Variants in PTPRS observed in about 807,000 individuals in gnomAD.
The protein encoded by PTPRS is protein tyrosine phosphatase receptor type S.
PTPRS carries 63 observed loss-of-function variants against 215.3 expected under a neutral mutation model. That is an observed-to-expected ratio of 0.29 (90% CI 0.24 to 0.36). The LOEUF is 0.36. Ranked by LOEUF, PTPRS falls within the 10% of genes least tolerant of loss-of-function variation. The pLI is 1.00. For synonymous variants in PTPRS, 1,404 were observed against 1,191.4 expected (o/e 1.18, Z -3.68); for missense variants, 2,258 against 2,825.8 (o/e 0.80, Z 4.56).
chr19:5,328,395 C>A (rs1294433491), intron 1 of PTPRS, among the ~76,000 whole-genome samples: 1 of 152,032 alleles, frequency 6.6e-6, no homozygotes, highest in Non-Finnish European at 1.5e-5. Flanking sequence ...CAGGCGTGCA[C>A]CACCACAGCT....
At chr19:5,303,506 T>A (rs915869844) in intron 1 of PTPRS, among the ~76,000 whole-genome samples, 1 of 151,520 alleles carries the variant, frequency 6.6e-6, no homozygotes, top group South Asian at 2.1e-4. Context: ...CAGATGGGGA[T>A]AGAGGACAGG....
At chr19:5,217,819 G>A (rs1316403657) in intron 25 of PTPRS, among the ~76,000 whole-genome samples, 1 of 152,188 alleles carries the variant, frequency 6.6e-6, no homozygotes, top group Admixed American at 6.5e-5. Flanking sequence ...TGAAGAGGGA[G>A]GAGATGGTAG....
rs758242063 is a variant in PTPRS at position 5,265,022 on chromosome 19, T to G, written c.554A>C (p.Lys185Thr). 13 of 1,613,966 alleles carry G rather than the reference T, an allele frequency of 8.1e-6. No homozygotes were observed. Among genetic ancestry groups the G allele is most frequent in the Non-Finnish European group, 1.0e-5 (12 of 1,179,980 alleles). Residue 185 changes from lysine to threonine, a missense_variant, in exon 5 of 38, where the codon AAA becomes ACA. This residue lies in a region of PTPRS where 508 missense variants were observed against 799.4 expected (regional missense o/e 0.64). Transcript: ENST00000262963. Reference sequence around the variant, plus strand: ...CCCTCACTCACCTGATCGCAGCTGTTTGATGCGTCCATTGCTGGCACTAGG... The same window carrying G: ...CCCTCACTCACCTGATCGCAGCTGTGTGATGCGTCCATTGCTGGCACTAGG... Reference protein sequence around the residue: ...VDPSASNGRIKQLRSETFEST... With the variant: ...VDPSASNGRITQLRSETFEST...
In PTPRS at chr19:5,214,554, G is replaced by T. The variant is rs1399081876; in HGVS notation, c.4494+7C>A. On this transcript the variant is annotated splice_region_variant and intron_variant, in intron 29 of 37. Transcript: ENST00000262963. ...GGGGCTTGAGGGCCGTGGGGTCCAAGGCTCACCCGTGACTTCTCCTCCAGC... is the reference window on the plus strand; with the variant it reads ...GGGGCTTGAGGGCCGTGGGGTCCAATGCTCACCCGTGACTTCTCCTCCAGC... The T allele has an allele frequency of 6.2e-7, 1 of 1,611,864 alleles. No individual in the cohort carries two copies. The highest frequency in any genetic ancestry group is 8.5e-7 in the Non-Finnish European group (1 of 1,178,620).
At chr19:5,242,684 C>T (rs1025359033) in intron 11 of PTPRS, among the ~76,000 whole-genome samples, 2 of 151,482 alleles carry the variant, frequency 1.3e-5, no homozygotes, top group Non-Finnish European at 2.9e-5. Context: ...CAGCCCTCTC[C>T]GATTTTATTT....
At chr19:5,250,664 T>TGGGGGGGGGGGGGGGGGGGGGGGGGG (rs1216689691) in intron 9 of PTPRS, among the ~76,000 whole-genome samples, 1 of 9,620 alleles carries the variant, frequency 1.0e-4, no homozygotes, top group Admixed American at 1.0e-3. Flanking sequence ...GGCGGTGGGG[T>TGGGGGGGGGGGGGGGGGGGGGGGGGG]GGGGGGGTGG....
chr19:5,254,519 C>G (rs955573618), intron 9 of PTPRS, among the ~76,000 whole-genome samples: 4 of 151,936 alleles, frequency 2.6e-5, no homozygotes, highest in Admixed American at 1.3e-4. Context: ...TGAAGATTTG[C>G]AAGAGTGAGA....
At chr19:5,276,706 A>G (rs2047398935) in intron 2 of PTPRS, among the ~76,000 whole-genome samples, 1 of 150,750 alleles carries the variant, frequency 6.6e-6, no homozygotes, top group African/African-American at 2.4e-5. Flanking sequence ...ATGCCCAGCT[A>G]ATTTTTTTGT....
At chr19:5,260,706 G>C in intron 7 of PTPRS, 99 bp downstream of exon 7, 3 of 1,446,626 alleles carry the variant, frequency 2.1e-6, no homozygotes, top group Admixed American at 1.8e-5. Flanking sequence ...GGGTGGACAC[G>C]CATGGAAGGG....
In PTPRS at chr19:5,222,200, C is replaced by T. The variant is rs774267588; in HGVS notation, c.3124G>A (p.Val1042Met). 1 of 1,613,910 alleles carries T rather than the reference C, an allele frequency of 6.2e-7. No individual in the cohort carries two copies. Among genetic ancestry groups the T allele is most frequent in the Non-Finnish European group, 8.5e-7 (1 of 1,179,964 alleles). ...ACTGATGTCTTCATGATCATTTTCA[C>T]CTTGAAGTTCTTGGGCGAGACTGCC... ...RDQVSPKNFK[V>M]KMIMKTSVLL... is the part of the protein sequence containing the mutation. The change falls in exon 19 of 38, where the codon GTG (valine) becomes ATG (methionine). Residue 1042 changes from valine (V) to methionine (M), a missense_variant. This residue lies in a region of PTPRS where 361 missense variants were observed against 332.6 expected (regional missense o/e 1.09). Transcript: ENST00000262963.
At chr19:5,251,226 G>T (rs1044678405) in intron 9 of PTPRS, among the ~76,000 whole-genome samples, 1 of 151,958 alleles carries the variant, frequency 6.6e-6, no homozygotes, top group Non-Finnish European at 1.5e-5. Flanking sequence ...GCCCACCTGC[G>T]TATTTTCTGC....
At chr19:5,304,998 A>C (rs2049433125) in intron 1 of PTPRS, among the ~76,000 whole-genome samples, 1 of 151,970 alleles carries the variant, frequency 6.6e-6, no homozygotes, top group African/African-American at 2.4e-5. Flanking sequence ...CCCAGAGCTC[A>C]GGTGGGGGCA....
rs1406502759 is a variant in PTPRS, at chr19:5,338,716, TGGGAGG to T, written c.-95+1942_-95+1947del. Among the ~76,000 whole-genome samples the T allele has an allele frequency of 6.8e-6, 1 of 146,972 alleles. No individual in the cohort carries two copies. Among genetic ancestry groups the T allele is most frequent in the Non-Finnish European group, 1.5e-5 (1 of 66,160 alleles). On this transcript the variant is annotated intron_variant, in intron 1 of 37. Coordinates refer to ENST00000262963, the MANE Select transcript of PTPRS (RefSeq NM_002850.4). This position sits in a 1 kb window ranked among gnomAD's most constrained non-coding sequence, Gnocchi z 4.2. ...GAGGGGGGCACAAAGGAAGGGACCC[TGGGAGG>T]GGGAGGGGACTTATGCAAATGGCAG...
Position 5,214,739 on chromosome 19 carries a change from G to A in PTPRS, c.4319-3C>T, listed in dbSNP as rs1218432321. The A allele has an allele frequency of 3.8e-6, 6 of 1,594,736 alleles. No individual in the cohort carries two copies. Among genetic ancestry groups the A allele is most frequent in the Non-Finnish European group, 5.1e-6 (6 of 1,165,656 alleles). ...GATGTAATCACTGCCCATGATGCCTGCAGCCAGGGCGAGAGGCCAGGGATC... is the reference window on the plus strand; with the variant it reads ...GATGTAATCACTGCCCATGATGCCTACAGCCAGGGCGAGAGGCCAGGGATC... On this transcript the variant is annotated splice_polypyrimidine_tract_variant and splice_region_variant and intron_variant, in intron 28 of 37. Transcript: ENST00000262963.
At chr19:5,228,258 T>C (rs928514142) in intron 16 of PTPRS, among the ~76,000 whole-genome samples, 4 of 148,646 alleles carry the variant, frequency 2.7e-5, no homozygotes, top group Non-Finnish European at 5.9e-5. Context: ...GACAGGAGAA[T>C]TGTTTGAACC....
At chr19:5,242,659 A>G (rs1056637366) in intron 11 of PTPRS, among the ~76,000 whole-genome samples, 1 of 151,686 alleles carries the variant, frequency 6.6e-6, no homozygotes, top group Non-Finnish European at 1.5e-5. Flanking sequence ...GATCACAGGC[A>G]TAAGCCACCA....
At chr19:5,225,659 G>C (rs2042418713) in intron 17 of PTPRS, 68 bp downstream of exon 17, 4 of 1,337,846 alleles carry the variant, frequency 3.0e-6, no homozygotes, top group African/African-American at 2.9e-5. Context: ...AAGGACTCTG[G>C]AGTCACGCTC....
At position 5,216,752 on chromosome 19, in the gene PTPRS, C is replaced by A. The variant is rs764987592; in HGVS notation, c.4064G>T (p.Ser1355Ile). 3.8e-5 allele frequency: 60 copies of A among 1,575,428 alleles called. No individual in the cohort carries two copies. In the Admixed American group the frequency reaches 1.1e-3, roughly 28 times the overall value. The stretch of plus-strand genomic sequence containing the variant: ...GTGAAACCCCGGCTCCCTGAGGGGG[C>A]TCCTGAGGCCTGAATCTGCAAACAG... The part of the protein sequence containing the change: ...NFQTPDSGLR[S>I]PLREPGFHFE... Residue 1355 changes from serine to isoleucine, a missense_variant, in exon 26 of 38, where the codon AGC (serine) becomes ATC (isoleucine). Around this residue, in one of 6 missense-constraint regions of PTPRS, gnomAD observed 927 missense variants for 1,125.9 expected, o/e 0.82. Coordinates refer to ENST00000262963, the MANE Select transcript of PTPRS (RefSeq NM_002850.4).
intron 9 of PTPRS, among the ~76,000 whole-genome samples, chr19:5,253,858 T>C (rs1427752638): frequency 1.3e-5 from 2 of 152,216 alleles, no homozygotes; most frequent in Non-Finnish European, 2.9e-5. Flanking sequence ...CTGGGAATGC[T>C]TGTTACACAG....
Sources: allele counts gnomAD v4.1 joint callset (sites outside exome capture counted in the v4.1 genomes callset), GRCh38; gene constraint gnomAD v4.1.1; regional missense constraint gnomAD v4.1.1; non-coding constraint Gnocchi (gnomAD v3.1); transcripts MANE v1.5; gene names NCBI Gene and HGNC (gene_info 2026-07-23, HGNC 2026-07-21).